The following CCDC102B variants were observed in gnomAD, a reference collection of about 807,000 sequenced individuals.
CCDC102B encodes the protein coiled-coil domain containing 102B, also known as coiled-coil domain-containing protein 102B.
CCDC102B carries 75 observed loss-of-function variants against 57.4 expected under a neutral mutation model. The observed-to-expected ratio is 1.31, with a 90% CI of 1.08 to 1.58. The LOEUF is 1.58. Among genes scored for constraint, CCDC102B ranks in the 40% most tolerant of loss-of-function variants. CCDC102B has a pLI of 0.00. For synonymous variants in CCDC102B, 206 were observed against 201.9 expected, an observed-to-expected ratio of 1.02 and a Z score of -0.17; for missense variants, 636 against 582.6, an observed-to-expected ratio of 1.09 and a Z score of -0.94.
At chr18:68,983,159 GTT>G (rs199978790) in intron 6 of CCDC102B, among the ~76,000 whole-genome samples, 2 of 144,384 alleles carry the variant, frequency 1.4e-5, no homozygotes, top group Admixed American at 6.9e-5. Context: ...TGATTAAAAG[GTT>G]TTTTTTTTTA....
intron 1 of CCDC102B, among the ~76,000 whole-genome samples, chr18:68,828,585 G>T (rs937126052): frequency 2.0e-5 from 3 of 151,670 alleles, no homozygotes; most frequent in South Asian, 2.1e-4. Context: ...AGCTAAAGTA[G>T]TGCAGAGAAG....
intron 2 of CCDC102B, among the ~76,000 whole-genome samples, chr18:68,786,885 A>G (rs1490904428): frequency 6.6e-6 from 1 of 152,262 alleles, no homozygotes; most frequent in Non-Finnish European, 1.5e-5. Context: ...GTGGTGAGAG[A>G]GAGCATCCCT....
At chr18:68,864,928 G>T (rs745548058) in intron 4 of CCDC102B, among the ~76,000 whole-genome samples, 6 of 151,838 alleles carry the variant, frequency 4.0e-5, no homozygotes, top group Non-Finnish European at 8.8e-5. Flanking sequence ...CTTTTATCTG[G>T]ATTATTTCTT....
intron 2 of CCDC102B, among the ~76,000 whole-genome samples, chr18:68,743,565 G>A (rs768850361): frequency 2.6e-5 from 4 of 152,150 alleles, no homozygotes; most frequent in East Asian, 3.8e-4. Flanking sequence ...TCTCTCAAAC[G>A]CTCAATGCTT....
At chr18:68,723,323 C>T (rs113013891) in intron 2 of CCDC102B, among the ~76,000 whole-genome samples, 2,204 of 152,232 alleles carry the variant, frequency 0.014, 57 homozygotes, top group African/African-American at 0.049. Flanking sequence ...CCCCTTGCCC[C>T]TCCCAAATCT....
chr18:68,824,798 A>G (rs897041473), intron 1 of CCDC102B, among the ~76,000 whole-genome samples: 2 of 152,194 alleles, frequency 1.3e-5, no homozygotes, highest in African/African-American at 4.8e-5. Context: ...TATAATTTTA[A>G]AAAAATGTGT....
chr18:69,050,137 T>C (rs2052668398), intron 7 of CCDC102B, among the ~76,000 whole-genome samples: 1 of 151,760 alleles, frequency 6.6e-6, no homozygotes, highest in African/African-American at 2.4e-5. Flanking sequence ...AACCTTGATA[T>C]TGTCTATGAG....
intron 6 of CCDC102B, among the ~76,000 whole-genome samples, chr18:68,949,519 A>G (rs1701540662): frequency 2.0e-5 from 3 of 152,132 alleles, no homozygotes; most frequent in South Asian, 4.1e-4. Flanking sequence ...TATAATGTAT[A>G]TTTCATAGAG....
chr18:68,813,203 G>C (rs201651751), intron 1 of CCDC102B, among the ~76,000 whole-genome samples: 91 of 151,720 alleles, frequency 6.0e-4, no homozygotes, highest in African/African-American at 2.2e-3. Flanking sequence ...CTCTCTCTCT[G>C]TCTCTCTCCT....
At chr18:68,808,170 A>G (rs2144701674) in intron 1 of CCDC102B, among the ~76,000 whole-genome samples, 1 of 152,234 alleles carries the variant, frequency 6.6e-6, no homozygotes, top group East Asian at 1.9e-4. Context: ...TTTGTTTTTC[A>G]AGTAACATAT....
intron 6 of CCDC102B, among the ~76,000 whole-genome samples, chr18:69,006,491 C>T (rs938129830): frequency 1.3e-5 from 2 of 151,444 alleles, no homozygotes; most frequent in Admixed American, 6.6e-5. Flanking sequence ...GGCAGGATCT[C>T]GGCTCACTGC....
chr18:69,011,339 C>CA (rs1422732181), intron 7 of CCDC102B: 1 of 456,644 alleles, frequency 2.2e-6, no homozygotes, highest in Admixed American at 3.8e-5. Flanking sequence ...AGTACTTCAG[C>CA]ATGACCTTGT....
chr18:68,741,712 CA>C lies in CCDC102B; in HGVS notation c.-67+25119del, dbSNP rs1176286016. On this transcript the variant is annotated intron_variant, in intron 2 of 3. Transcript: ENST00000578970. ...ACACACACACACACACACACACACA[CA>C]CCCCAAGACAATATAGAAAGGTTTA... Among the ~76,000 whole-genome samples the C allele has an allele frequency of 1.5e-3, 130 of 88,814 alleles. 1 individual carries two copies. Among genetic ancestry groups the C allele is most frequent in the African/African-American group, 4.7e-3 (101 of 21,456 alleles). The allele number at this position is 88,814 out of a possible 152,430, so 58.3% of individuals were successfully genotyped here.
intron 6 of CCDC102B, among the ~76,000 whole-genome samples, chr18:68,938,661 A>G (rs1375696162): frequency 3.3e-5 from 5 of 151,646 alleles, no homozygotes; most frequent in Non-Finnish European, 5.9e-5. Context: ...ATACAGTATG[A>G]TATCATTGAT....
At chr18:68,956,468 T>TATATAA (rs71176919) in intron 6 of CCDC102B, among the ~76,000 whole-genome samples, 41,413 of 49,532 alleles carry the variant, frequency 0.84, 17,196 homozygotes, top group East Asian at 0.95. Flanking sequence ...ATTTTATATA[T>TATATAA]ATATTATATA....
rs923380913 is a variant in CCDC102B at position 69,021,186 on chromosome 18, C to T, written c.1434+10082C>T. On this transcript the variant is annotated intron_variant, in intron 7 of 7. Transcript: ENST00000360242. Reference sequence around the variant, plus strand: ...AACATTAATTATCTAAGTTAATATCCGGTTTTTAAACAGTTCTTTATTTAG... The same window carrying T: ...AACATTAATTATCTAAGTTAATATCTGGTTTTTAAACAGTTCTTTATTTAG... 3.9e-5 allele frequency among the ~76,000 whole-genome samples: 6 copies of T among 152,122 alleles called. No homozygotes were observed. In the East Asian group the frequency reaches 5.8e-4, roughly 15 times the overall value.
chr18:68,848,961 A>G (rs2037997792), intron 4 of CCDC102B, among the ~76,000 whole-genome samples: 1 of 152,054 alleles, frequency 6.6e-6, no homozygotes. Context: ...CATTGTGAGC[A>G]TTTGCTTGGA....
intron 6 of CCDC102B, among the ~76,000 whole-genome samples, chr18:68,976,159 A>T (rs1350147454): frequency 3.3e-5 from 5 of 152,034 alleles, no homozygotes; most frequent in African/African-American, 1.2e-4. Context: ...TAATTGGTAC[A>T]TTTGTATTTA....
intron 3 of CCDC102B, 125 bp from the exon 4 acceptor site, chr18:68,846,188 C>A: frequency 2.2e-6 from 1 of 449,668 alleles, no homozygotes; most frequent in South Asian, 7.7e-5. Flanking sequence ...AAAATGTTTT[C>A]TCTCATTAAG....
Sources: allele counts gnomAD v4.1 joint callset (sites outside exome capture counted in the v4.1 genomes callset), GRCh38; gene constraint gnomAD v4.1.1; transcripts MANE v1.5; gene names NCBI Gene and HGNC (gene_info 2026-07-23, HGNC 2026-07-21).